GRIN2B: variants seen among roughly 807,000 people sequenced by gnomAD.
GRIN2B encodes glutamate ionotropic receptor NMDA type subunit 2B, also known as glutamate receptor ionotropic, NMDA 2B.
A neutral mutation model predicts 114.5 loss-of-function variants in GRIN2B; 5 were observed. The observed-to-expected ratio is 0.04, with a 90% CI of 0.02 to 0.09. The LOEUF (loss-of-function observed/expected upper bound fraction) is 0.09, where lower values mean the gene tolerates loss of function less well. GRIN2B is among the 10% of genes least tolerant of loss of function. The pLI is 1.00. For synonymous variants in GRIN2B, 787 were observed against 745.1 expected (o/e 1.06, Z -0.92); for missense variants, 1,108 against 1,943.5 (o/e 0.57, Z 8.08).
At chr12:13,958,035 A>T (rs1267609511) in intron 2 of GRIN2B, among the ~76,000 whole-genome samples, 1 of 152,166 alleles carries the variant, frequency 6.6e-6, no homozygotes, top group African/African-American at 2.4e-5. Flanking sequence ...TGGACAGTAA[A>T]GTTAGACAAC....
At chr12:13,806,616 T>C (rs1017623693) in intron 3 of GRIN2B, among the ~76,000 whole-genome samples, 1 of 152,184 alleles carries the variant, frequency 6.6e-6, no homozygotes, top group African/African-American at 2.4e-5. Context: ...ATTTTTAATA[T>C]TAACCTTTAT....
intron 4 of GRIN2B, among the ~76,000 whole-genome samples, chr12:13,730,732 T>C (rs1863074490): frequency 6.6e-6 from 1 of 152,126 alleles, no homozygotes; most frequent in South Asian, 2.1e-4. Context: ...CTTATGCTGT[T>C]TATAAAATGA....
chr12:13,833,478 T>C (rs1304461742), intron 3 of GRIN2B, among the ~76,000 whole-genome samples: 1 of 152,172 alleles, frequency 6.6e-6, no homozygotes, highest in Non-Finnish European at 1.5e-5. Context: ...TTAAGTTAAC[T>C]GAGAATGTGT....
chr12:13,834,083 TGCAGTGGTGCAATCTTG>T (rs936868680), intron 3 of GRIN2B, among the ~76,000 whole-genome samples: 12 of 132,236 alleles, frequency 9.1e-5, no homozygotes, highest in African/African-American at 3.4e-4. Context: ...CAGGCTAGAG[TGCAGTGGTGCAATCTTG>T]GCTCACTGCA....
chr12:13,807,317 CT>C (rs1179303710), intron 3 of GRIN2B, among the ~76,000 whole-genome samples: 1 of 152,092 alleles, frequency 6.6e-6, no homozygotes, highest in Non-Finnish European at 1.5e-5. Context: ...TGAGTAGTCG[CT>C]GTGTGGACAA....
chr12:13,651,048 G>C (rs1489280905), intron 5 of GRIN2B, among the ~76,000 whole-genome samples: 1 of 152,054 alleles, frequency 6.6e-6, no homozygotes, highest in Non-Finnish European at 1.5e-5. Flanking sequence ...GCAAATCTGT[G>C]CTGGGATCTT....
intron 3 of GRIN2B, among the ~76,000 whole-genome samples, chr12:13,836,046 G>C (rs1865258119): frequency 6.6e-6 from 1 of 152,246 alleles, no homozygotes; most frequent in South Asian, 2.1e-4. Context: ...CAGCGAAGCT[G>C]CAAGTCCTGA....
chr12:13,873,901 C>A (rs1190376905), intron 2 of GRIN2B, among the ~76,000 whole-genome samples: 1 of 152,264 alleles, frequency 6.6e-6, no homozygotes, highest in East Asian at 1.9e-4. Flanking sequence ...AACAGAAAAT[C>A]AAAACCTTCA....
chr12:13,552,202 A>T lies in GRIN2B; in HGVS notation c.*10581T>A, dbSNP rs1330528601. The T allele has an allele frequency of 6.6e-6, 1 of 152,210 alleles. No homozygotes were observed. The highest frequency in any genetic ancestry group is 1.5e-5 in the Non-Finnish European group (1 of 68,060). 9.4% of individuals were successfully genotyped at this position (152,210 alleles called of 1,614,324 possible). ...ACTCCCTCTGCCCAGGGTGATGATC[A>T]AGGGCTCCTTGGGTGCTGTAATCTG... On this transcript the variant is annotated 3_prime_UTR_variant, in exon 14 of 14. Transcript: ENST00000609686.
chr12:13,886,324 T>A (rs1304966939), intron 2 of GRIN2B, among the ~76,000 whole-genome samples: 1 of 152,184 alleles, frequency 6.6e-6, no homozygotes. Context: ...ATCCTATACA[T>A]CATCTGCTCC....
chr12:13,689,448 C>T (rs1340052449), intron 4 of GRIN2B, among the ~76,000 whole-genome samples: 4 of 152,118 alleles, frequency 2.6e-5, no homozygotes, highest in Non-Finnish European at 4.4e-5. Flanking sequence ...TTCCCATGCC[C>T]AATCCATCCT....
Position 13,544,576 on chromosome 12 carries a change from A to C in GRIN2B, c.*18207T>G, listed in dbSNP as rs1472630504. The C allele has an allele frequency of 6.6e-6, 1 of 152,204 alleles. No individual in the cohort carries two copies. Among genetic ancestry groups the C allele is most frequent in the East Asian group, 1.9e-4 (1 of 5,190 alleles). The allele number at this position is 152,204 out of a possible 1,614,324, so 9.4% of individuals were successfully genotyped here. A position where few individuals can be genotyped will look rare whatever the true frequency, so the allele number is the denominator to read the frequency against. ...GCAACATCTGTAGACACCTTAAACT[A>C]TAAGGCTTTCCTTCCCAGTCAGCCT... On this transcript the variant is annotated 3_prime_UTR_variant, in exon 14 of 14. Transcript: ENST00000609686.
At position 13,557,331 on chromosome 12, in the gene GRIN2B, A is replaced by G. The variant is rs1435679865; in HGVS notation, c.*5452T>C. 6.6e-6 allele frequency: 1 copy of G among 152,202 alleles called. No homozygotes were observed. Among genetic ancestry groups the G allele is most frequent in the Non-Finnish European group, 1.5e-5 (1 of 68,032 alleles). 9.4% of individuals were successfully genotyped at this position (152,202 alleles called of 1,614,324 possible). A position where few individuals can be genotyped will look rare whatever the true frequency, so the allele number is the denominator to read the frequency against. On this transcript the variant is annotated 3_prime_UTR_variant, in exon 14 of 14. Transcript: ENST00000609686. ...CCCAGGTTAAGTAGCACCTGAGGTC[A>G]TAAGTGGCTCTTTTACCAGATAACA...
At chr12:13,609,469 C>A (rs1202675362) in intron 9 of GRIN2B, among the ~76,000 whole-genome samples, 1 of 152,108 alleles carries the variant, frequency 6.6e-6, no homozygotes, top group Non-Finnish European at 1.5e-5. Flanking sequence ...GTCATAGAAG[C>A]TTGCGTGTAA....
chr12:13,919,264 T>C (rs1427617500), intron 2 of GRIN2B, among the ~76,000 whole-genome samples: 1 of 152,236 alleles, frequency 6.6e-6, no homozygotes, highest in Non-Finnish European at 1.5e-5. Context: ...ATCTAGTTTA[T>C]ACTTTATGGT....
intron 5 of GRIN2B, among the ~76,000 whole-genome samples, chr12:13,645,777 C>A (rs1474294191): frequency 6.6e-6 from 1 of 152,030 alleles, no homozygotes; most frequent in Non-Finnish European, 1.5e-5. Flanking sequence ...CTTTCCCTGA[C>A]CTCCTTCAGC....
intron 5 of GRIN2B, among the ~76,000 whole-genome samples, chr12:13,636,454 G>T (rs1949666388): frequency 6.6e-6 from 1 of 152,166 alleles, no homozygotes; most frequent in Non-Finnish European, 1.5e-5. Context: ...TGCTACACAG[G>T]AATTGACTAA....
At chr12:13,819,188 G>C (rs192363922) in intron 3 of GRIN2B, among the ~76,000 whole-genome samples, 1 of 152,146 alleles carries the variant, frequency 6.6e-6, no homozygotes, top group African/African-American at 2.4e-5. Context: ...AAGAAAGACC[G>C]TGTGAGTGAG....
At chr12:13,598,086 TC>T (rs1255129545) in intron 10 of GRIN2B, among the ~76,000 whole-genome samples, 1 of 152,134 alleles carries the variant, frequency 6.6e-6, no homozygotes, top group Non-Finnish European at 1.5e-5. Context: ...GGAAAGCACT[TC>T]CTTGGCTGGC....
Sources: allele counts gnomAD v4.1 joint callset (sites outside exome capture counted in the v4.1 genomes callset), GRCh38; gene constraint gnomAD v4.1.1; transcripts MANE v1.5; gene names NCBI Gene and HGNC (gene_info 2026-07-23, HGNC 2026-07-21).